The following PID1 variants were observed in gnomAD, a reference collection of about 807,000 sequenced individuals.
The protein encoded by PID1 is phosphotyrosine interaction domain containing 1, also known as PTB-containing, cubilin and LRP1-interacting protein.
In PID1, 10 loss-of-function variants were observed where a neutral mutation model predicts 19.1. The observed-to-expected ratio is 0.52, with a 90% CI of 0.32 to 0.89. The LOEUF is 0.89. Ranked by LOEUF, PID1 falls within the 40% of genes least tolerant of loss-of-function variation. PID1 has a pLI of 0.03. For synonymous variants in PID1, 130 were observed against 116.0 expected (o/e 1.12, Z -0.78); for missense variants, 248 against 285.3 (o/e 0.87, Z 0.94).
rs1178936073 is a variant in PID1, at chr2:229,139,135, A to G, written c.177+16683T>C. Reference sequence around the variant, plus strand: ...AGAAAGAGAAAGAAAGAAAGAAAGAAAGAAAGAAAGAAAGCAAGCGAGCGA... The same window carrying G: ...AGAAAGAGAAAGAAAGAAAGAAAGAGAGAAAGAAAGAAAGCAAGCGAGCGA... On this transcript the variant is annotated intron_variant, in intron 2 of 2. Coordinates refer to ENST00000392055, the MANE Select transcript of PID1 (RefSeq NM_001100818.2). Among the ~76,000 whole-genome samples, 69 of 120,462 alleles carry G rather than the reference A, an allele frequency of 5.7e-4. 3 individuals carry two copies. Among genetic ancestry groups the G allele is most frequent in the African/African-American group, 2.1e-3 (64 of 30,010 alleles). 79.0% of individuals were successfully genotyped at this position (120,462 alleles called of 152,430 possible).
rs575167411 is a variant in PID1, at chr2:229,193,123, C to T, written c.31-37159G>A. ...ATGGATCAGGAATATGGGCAGGGCT[C>T]AGCTGGGTGATTCTTTCACTGCACA... On this transcript the variant is annotated intron_variant, in intron 1 of 2. Transcript: ENST00000392055. Among the ~76,000 whole-genome samples the T allele has an allele frequency of 1.1e-3, 173 of 152,298 alleles. 1 individual carries two copies. Among genetic ancestry groups the T allele is most frequent in the South Asian group, 1.5e-3 (7 of 4,824 alleles).
At chr2:229,114,702 CTCT>C (rs753454900) in intron 2 of PID1, among the ~76,000 whole-genome samples, 5 of 152,302 alleles carry the variant, frequency 3.3e-5, no homozygotes, top group South Asian at 4.1e-4. Context: ...TTCTACCCTC[CTCT>C]TGAGTTTCTA....
chr2:229,111,163 A>C (rs915503847), intron 2 of PID1, among the ~76,000 whole-genome samples: 1 of 152,158 alleles, frequency 6.6e-6, no homozygotes, highest in Non-Finnish European at 1.5e-5. Flanking sequence ...CTGTGAGTCC[A>C]TTAAACCTCT....
chr2:229,075,875 CTT>C (rs1369634210), intron 2 of PID1, among the ~76,000 whole-genome samples: 1 of 152,202 alleles, frequency 6.6e-6, no homozygotes, highest in African/African-American at 2.4e-5. Context: ...GTACTTTCCT[CTT>C]TGTTTTTAAA....
intron 2 of PID1, among the ~76,000 whole-genome samples, chr2:229,026,562 T>A (rs1693429365): frequency 6.6e-6 from 1 of 152,202 alleles, no homozygotes; most frequent in Admixed American, 6.5e-5. Context: ...CTAGCCTGGG[T>A]CTCTTTCCAA....
intron 1 of PID1, among the ~76,000 whole-genome samples, chr2:229,248,029 C>T (rs1285970388): frequency 2.0e-5 from 3 of 152,136 alleles, no homozygotes; most frequent in Non-Finnish European, 4.4e-5. Context: ...CCTTTACCCA[C>T]ATGCATTTGA....
chr2:229,150,768 A>G (rs578198447), intron 2 of PID1, among the ~76,000 whole-genome samples: 1 of 151,984 alleles, frequency 6.6e-6, no homozygotes, highest in Non-Finnish European at 1.5e-5. Flanking sequence ...ACACGGCCAT[A>G]TAGGAACTCG....
At chr2:229,270,907 A>G (rs1690719221) in intron 1 of PID1, 107 bp downstream of exon 1, 46 of 982,606 alleles carry the variant, frequency 4.7e-5, no homozygotes, top group Non-Finnish European at 6.4e-5. Context: ...GCGTCTTACA[A>G]GATGGTTTTG....
At chr2:229,198,078 G>C (rs528330521) in intron 1 of PID1, among the ~76,000 whole-genome samples, 1 of 152,078 alleles carries the variant, frequency 6.6e-6, no homozygotes, top group African/African-American at 2.4e-5. Flanking sequence ...AGTAACAGGA[G>C]GCTGTAAAAT....
chr2:229,026,748 T>A (rs963159045), intron 2 of PID1, among the ~76,000 whole-genome samples: 3 of 152,238 alleles, frequency 2.0e-5, no homozygotes, highest in African/African-American at 4.8e-5. Flanking sequence ...CTGATGAGCA[T>A]CTGTTGATCT....
At chr2:229,046,731 T>G (rs570022657) in intron 2 of PID1, among the ~76,000 whole-genome samples, 1 of 152,206 alleles carries the variant, frequency 6.6e-6, no homozygotes, top group African/African-American at 2.4e-5. Context: ...ACCCAAACAG[T>G]CACTCCAAAC....
rs190193460 is a variant in PID1 at position 229,113,575 on chromosome 2, T to C, written c.177+42243A>G. ...CTTAAGGCCTAGTTGTTTGTGTATG[T>C]GTGTATGTGTGTATGCATATATGTG... On this transcript the variant is annotated intron_variant, in intron 2 of 2. Coordinates refer to ENST00000392055, the MANE Select transcript of PID1 (RefSeq NM_001100818.2). Among the ~76,000 whole-genome samples the C allele has an allele frequency of 2.0e-4, 27 of 134,946 alleles. 1 individual carries two copies. The East Asian group carries it at 3.8e-3, about 19-fold the overall frequency. The allele number at this position is 134,946 out of a possible 152,430, so 88.5% of individuals were successfully genotyped here. A position where few individuals can be genotyped will look rare whatever the true frequency, so the allele number is the denominator to read the frequency against.
At chr2:229,139,113 A>G (rs75025521) in intron 2 of PID1, among the ~76,000 whole-genome samples, 2,362 of 30,686 alleles carry the variant, frequency 0.077, 114 homozygotes, top group Admixed American at 0.096. Context: ...GAAAGAAAGA[A>G]AGAGAAAGAA....
rs535987009 is a variant in PID1, at chr2:229,250,258, C to A, written c.30+20756G>T. On this transcript the variant is annotated intron_variant, in intron 1 of 2. Transcript: ENST00000392055. ...CTGTCCAAACAAACATAAAAATTCC[C>A]AACTTCTGAGTACTCAGATGCAATT... Among the ~76,000 whole-genome samples the A allele has an allele frequency of 2.0e-5, 3 of 152,290 alleles. No individual in the cohort carries two copies. The South Asian group carries it at 6.2e-4, about 32-fold the overall frequency.
At chr2:229,031,214 T>TAAAAAAAAAAA (rs1274567780) in intron 2 of PID1, among the ~76,000 whole-genome samples, 26 of 24,968 alleles carry the variant, frequency 1.0e-3, no homozygotes, top group African/African-American at 4.7e-3. Flanking sequence ...AGACTCTGTC[T>TAAAAAAAAAAA]CAAAAAAAAA....
At chr2:229,239,552 C>T (rs1317919946) in intron 1 of PID1, among the ~76,000 whole-genome samples, 2 of 152,008 alleles carry the variant, frequency 1.3e-5, no homozygotes, top group African/African-American at 4.8e-5. Flanking sequence ...ATATGTTAGA[C>T]ATCTAGGGGG....
rs79872829 is a variant in PID1 at position 229,178,851 on chromosome 2, G to A, written c.31-22887C>T. ...GAAAAAGATGTGAAGAAGGAAGTGGGACCGTCCCTATGCACCGGGCACAAG... is the reference window on the plus strand; with the variant it reads ...GAAAAAGATGTGAAGAAGGAAGTGGAACCGTCCCTATGCACCGGGCACAAG... On this transcript the variant is annotated intron_variant, in intron 1 of 2. Transcript: ENST00000392055. Among the ~76,000 whole-genome samples the A allele has an allele frequency of 1.1e-4, 17 of 152,120 alleles. No individual in the cohort carries two copies. In the East Asian group the frequency reaches 3.1e-3, roughly 28 times the overall value.
intron 2 of PID1, among the ~76,000 whole-genome samples, chr2:229,113,719 T>C (rs1184882448): frequency 6.6e-6 from 1 of 151,604 alleles, no homozygotes; most frequent in Admixed American, 6.6e-5. Context: ...CAAACCCAGG[T>C]CCTCTGGCTC....
At chr2:229,141,887 T>C (rs1559253289) in intron 2 of PID1, among the ~76,000 whole-genome samples, 1 of 152,090 alleles carries the variant, frequency 6.6e-6, no homozygotes, top group Non-Finnish European at 1.5e-5. Context: ...TATATTTTCA[T>C]TAAAAACAAA....
Sources: allele counts gnomAD v4.1 joint callset (sites outside exome capture counted in the v4.1 genomes callset), GRCh38; gene constraint gnomAD v4.1.1; transcripts MANE v1.5; gene names NCBI Gene and HGNC (gene_info 2026-07-23, HGNC 2026-07-21).